SORBS2: variants seen among roughly 807,000 people sequenced by gnomAD.
SORBS2 encodes sorbin and SH3 domain-containing protein 2.
Under a neutral mutation model 97.7 loss-of-function variants are expected in SORBS2, and 46 were observed. The ratio of observed to expected loss-of-function variants is 0.47; its 90% confidence interval spans 0.37 to 0.60. The LOEUF (loss-of-function observed/expected upper bound fraction) is 0.60. Ranked by LOEUF, SORBS2 falls within the 20% of genes least tolerant of loss-of-function variation. The pLI is 0.00. For missense variants in SORBS2, 1,316 were observed against 1,282.3 expected (o/e 1.03, Z -0.40); for synonymous variants, 476 against 473.4 (o/e 1.01, Z -0.07).
At chr4:185,923,784 T>G (rs930952517) in intron 1 of SORBS2, among the ~76,000 whole-genome samples, 1 of 152,118 alleles carries the variant, frequency 6.6e-6, no homozygotes, top group African/African-American at 2.4e-5. Flanking sequence ...AGATACAGTA[T>G]CAGGGTTCTA....
chr4:185,942,443 C>T (rs1028164942), intron 1 of SORBS2, among the ~76,000 whole-genome samples: 20 of 151,784 alleles, frequency 1.3e-4, no homozygotes, highest in African/African-American at 2.2e-4. Context: ...CTCTGCCTCC[C>T]GGGTTCGAGT....
chr4:185,742,897 CTCTA>C (rs1464788371), intron 2 of SORBS2, among the ~76,000 whole-genome samples: 3 of 152,190 alleles, frequency 2.0e-5, no homozygotes, highest in East Asian at 1.9e-4. Context: ...ACTGTCTGCA[CTCTA>C]TCTGACACAC....
At chr4:185,803,683 T>C (rs1486436178) in intron 1 of SORBS2, among the ~76,000 whole-genome samples, 1 of 152,238 alleles carries the variant, frequency 6.6e-6, no homozygotes, top group African/African-American at 2.4e-5. Context: ...AAAGCCATAT[T>C]AATCATTATA....
At chr4:185,650,264 C>T (rs995504765) in intron 2 of SORBS2, among the ~76,000 whole-genome samples, 3 of 152,088 alleles carry the variant, frequency 2.0e-5, no homozygotes, top group Non-Finnish European at 4.4e-5. Flanking sequence ...ATGAAGAAAA[C>T]ACATAGTAAG....
chr4:185,805,801 C>T (rs1374095470), intron 1 of SORBS2, among the ~76,000 whole-genome samples: 6 of 152,206 alleles, frequency 3.9e-5, no homozygotes, highest in East Asian at 3.8e-4. Context: ...ATACGTCTGA[C>T]GGGTTAAATG....
At chr4:185,603,831 G>T (rs937662242) in intron 12 of SORBS2, among the ~76,000 whole-genome samples, 11 of 152,176 alleles carry the variant, frequency 7.2e-5, no homozygotes, top group African/African-American at 2.7e-4. Flanking sequence ...CTGTCAGCCT[G>T]CAAGTCTCAG....
At chr4:185,873,164 A>T (rs1318378977) in intron 1 of SORBS2, among the ~76,000 whole-genome samples, 2 of 152,130 alleles carry the variant, frequency 1.3e-5, no homozygotes, top group African/African-American at 4.8e-5. Flanking sequence ...CAGCCCAGCT[A>T]CTCCTCCCCA....
intron 2 of SORBS2, among the ~76,000 whole-genome samples, chr4:185,745,539 G>A (rs755372942): frequency 3.9e-5 from 6 of 152,138 alleles, no homozygotes; most frequent in South Asian, 2.1e-4. Context: ...CTGTGCACCC[G>A]AGGTGCAGAT....
chr4:185,930,528 G>A (rs1196096566), intron 1 of SORBS2, among the ~76,000 whole-genome samples: 1 of 152,130 alleles, frequency 6.6e-6, no homozygotes, highest in Non-Finnish European at 1.5e-5. Flanking sequence ...TCGATCTCCT[G>A]ACCTCGTGAT....
intron 1 of SORBS2, among the ~76,000 whole-genome samples, chr4:185,786,050 C>G (rs2099054965): frequency 6.6e-6 from 1 of 152,058 alleles, no homozygotes; most frequent in African/African-American, 2.4e-5. Flanking sequence ...TTTTACTTTG[C>G]TGTTGGGGAA....
At chr4:185,812,849 C>A (rs141163638) in intron 1 of SORBS2, 1 of 152,098 alleles carries the variant, frequency 6.6e-6, no homozygotes, top group South Asian at 2.1e-4. Flanking sequence ...ATTGCTTCTA[C>A]GGCAGAAAAT....
intron 1 of SORBS2, among the ~76,000 whole-genome samples, chr4:185,853,680 A>G (rs2099219166): frequency 1.3e-5 from 2 of 152,234 alleles, no homozygotes; most frequent in Non-Finnish European, 2.9e-5. Flanking sequence ...AGATATGTGT[A>G]TATGGTATTA....
chr4:185,735,693 C>T (rs558708365), intron 2 of SORBS2, among the ~76,000 whole-genome samples: 258 of 151,798 alleles, frequency 1.7e-3, no homozygotes, highest in African/African-American at 5.9e-3. Flanking sequence ...ACTGTGTGTA[C>T]GTTTGTGTGT....
At chr4:185,665,797 G>T in intron 4 of SORBS2, 1 of 1,108,166 alleles carries the variant, frequency 9.0e-7, no homozygotes, top group Non-Finnish European at 1.1e-6. Context: ...ACCCCAGGTG[G>T]GGGAGGGTGT....
At chr4:185,725,583 T>C (rs927774230) in intron 2 of SORBS2, among the ~76,000 whole-genome samples, 1 of 152,232 alleles carries the variant, frequency 6.6e-6, no homozygotes, top group African/African-American at 2.4e-5. Flanking sequence ...ACTTTGTGCT[T>C]GGACATAGGG....
chr4:185,892,842 G>A (rs1048222907), intron 1 of SORBS2, among the ~76,000 whole-genome samples: 4 of 152,124 alleles, frequency 2.6e-5, no homozygotes, highest in Non-Finnish European at 4.4e-5. Context: ...CAGATGGATG[G>A]CAGAGACGGT....
At chr4:185,855,860 T>G (rs1480883906) in intron 1 of SORBS2, among the ~76,000 whole-genome samples, 4 of 152,194 alleles carry the variant, frequency 2.6e-5, no homozygotes, top group Non-Finnish European at 5.9e-5. Context: ...TTTAGTTACT[T>G]GAAGTAAACT....
intron 1 of SORBS2, among the ~76,000 whole-genome samples, chr4:185,868,774 A>G (rs536649651): frequency 6.6e-6 from 1 of 152,324 alleles, no homozygotes; most frequent in East Asian, 1.9e-4. Context: ...ATGCTGTGTC[A>G]ATATTCTACC....
At chr4:185,914,107 T>A (rs1012805244) in intron 1 of SORBS2, among the ~76,000 whole-genome samples, 9 of 152,236 alleles carry the variant, frequency 5.9e-5, no homozygotes, top group African/African-American at 2.2e-4. Flanking sequence ...CATGATTCTA[T>A]ACCTGGGTTA....
Sources: allele counts gnomAD v4.1 joint callset (sites outside exome capture counted in the v4.1 genomes callset), GRCh38; gene constraint gnomAD v4.1.1; transcripts MANE v1.5; gene names NCBI Gene and HGNC (gene_info 2026-07-23, HGNC 2026-07-21).